The following PTPRT variants were observed in gnomAD, a reference collection of about 807,000 sequenced individuals.
The protein encoded by PTPRT is receptor-type tyrosine-protein phosphatase T.
In PTPRT, 56 loss-of-function variants were observed where a neutral mutation model predicts 176.8. The observed-to-expected ratio is 0.32, with a 90% CI of 0.26 to 0.40. The LOEUF (loss-of-function observed/expected upper bound fraction) is 0.40, where lower values mean the gene tolerates loss of function less well. Among genes scored for constraint, PTPRT ranks in the 10% least tolerant of loss-of-function variants. The pLI is 1.00. For synonymous variants in PTPRT, 783 were observed against 739.0 expected, an observed-to-expected ratio of 1.06 and a Z score of -0.96; for missense variants, 1,540 against 1,908.2, an observed-to-expected ratio of 0.81 and a Z score of 3.60.
At chr20:42,369,771 G>A (rs2058562920) in intron 9 of PTPRT, among the ~76,000 whole-genome samples, 1 of 152,168 alleles carries the variant, frequency 6.6e-6, no homozygotes, top group African/African-American at 2.4e-5. Context: ...AGGAAGAGAA[G>A]CCTGGGTATC....
intron 1 of PTPRT, among the ~76,000 whole-genome samples, chr20:43,157,831 A>T (rs367651013): frequency 3.9e-5 from 6 of 152,268 alleles, no homozygotes; most frequent in Admixed American, 2.0e-4. Flanking sequence ...GTGTTCAAGG[A>T]AAAGCAACTG....
chr20:42,143,698 G>C (rs899957287), intron 17 of PTPRT, among the ~76,000 whole-genome samples: 2 of 152,186 alleles, frequency 1.3e-5, no homozygotes, highest in Non-Finnish European at 2.9e-5. Context: ...GGTTGCCTCG[G>C]AAGCAGACTC....
chr20:42,395,485 C>T (rs766144408), intron 9 of PTPRT, among the ~76,000 whole-genome samples: 1 of 152,028 alleles, frequency 6.6e-6, no homozygotes, highest in Non-Finnish European at 1.5e-5. Context: ...CCCTTTAGTT[C>T]TAATATTTCT....
chr20:42,703,093 G>T (rs1043727426), intron 6 of PTPRT, among the ~76,000 whole-genome samples: 3 of 152,140 alleles, frequency 2.0e-5, no homozygotes, highest in African/African-American at 7.2e-5. Flanking sequence ...ACCCAATTCT[G>T]CCCAACTGCA....
chr20:42,415,657 A>C (rs1259453303), intron 9 of PTPRT, among the ~76,000 whole-genome samples: 2 of 152,248 alleles, frequency 1.3e-5, no homozygotes, highest in East Asian at 3.8e-4. Flanking sequence ...CTTGGCATTT[A>C]GGAAATAGTC....
At chr20:42,099,461 G>A (rs1302401325) in intron 26 of PTPRT, among the ~76,000 whole-genome samples, 1 of 147,500 alleles carries the variant, frequency 6.8e-6, no homozygotes, top group African/African-American at 2.5e-5. Context: ...GCACATGCTA[G>A]ACAGTGCCAC....
intron 7 of PTPRT, among the ~76,000 whole-genome samples, chr20:42,628,909 A>C (rs534066310): frequency 6.6e-6 from 1 of 152,282 alleles, no homozygotes; most frequent in Admixed American, 6.5e-5. Context: ...TTAACTGAAA[A>C]AGTTTGCCAA....
In PTPRT at chr20:42,639,431, C is replaced by T. The variant is rs546303556; in HGVS notation, c.1153+38435G>A. ...CTCCTATGCCCTGGCCATCCACTGC[C>T]TTTGCATGCAGCCTCTGTTCTGGCC... On this transcript the variant is annotated intron_variant, in intron 7 of 30. Transcript: ENST00000373187. 2.0e-5 allele frequency among the ~76,000 whole-genome samples: 3 copies of T among 152,260 alleles called. No individual in the cohort carries two copies. The South Asian group carries it at 6.2e-4, about 32-fold the overall frequency.
At chr20:42,555,961 C>G (rs2072854073) in intron 7 of PTPRT, among the ~76,000 whole-genome samples, 1 of 152,072 alleles carries the variant, frequency 6.6e-6, no homozygotes, top group Admixed American at 6.6e-5. Context: ...CACCATAAAG[C>G]CGATTAATAT....
intron 1 of PTPRT, among the ~76,000 whole-genome samples, chr20:42,894,610 T>TA (rs1281167776): frequency 6.6e-6 from 1 of 152,170 alleles, no homozygotes; most frequent in Admixed American, 6.5e-5. Flanking sequence ...TCTATGTACC[T>TA]ACTCATTATA....
intron 7 of PTPRT, among the ~76,000 whole-genome samples, chr20:42,572,921 T>G (rs951003584): frequency 2.2e-5 from 3 of 137,034 alleles, no homozygotes; most frequent in South Asian, 2.2e-4. Flanking sequence ...GATAAGTTTT[T>G]GTTTTTTTTT....
At chr20:42,991,959 C>T in intron 1 of PTPRT, among the ~76,000 whole-genome samples, 1 of 152,084 alleles carries the variant, frequency 6.6e-6, no homozygotes. Context: ...ATAAACTTTT[C>T]ATTCTATTAA....
At chr20:42,526,180 ACT>A (rs1351643267) in intron 7 of PTPRT, among the ~76,000 whole-genome samples, 3 of 150,974 alleles carry the variant, frequency 2.0e-5, no homozygotes, top group African/African-American at 7.3e-5. Flanking sequence ...TAGGTTTAAG[ACT>A]CTCTTAATTT....
chr20:42,561,994 T>C (rs1601273659), intron 7 of PTPRT, among the ~76,000 whole-genome samples: 1 of 152,202 alleles, frequency 6.6e-6, no homozygotes, highest in East Asian at 1.9e-4. Context: ...GGCTCCAGCG[T>C]TGAAATCAGG....
At chr20:42,850,242 T>C (rs1244319110) in intron 2 of PTPRT, among the ~76,000 whole-genome samples, 2 of 152,196 alleles carry the variant, frequency 1.3e-5, no homozygotes, top group Non-Finnish European at 2.9e-5. Flanking sequence ...ACCTGTATAG[T>C]GTAGGCACAG....
At chr20:43,000,077 G>A (rs1229518021) in intron 1 of PTPRT, among the ~76,000 whole-genome samples, 1 of 137,512 alleles carries the variant, frequency 7.3e-6, no homozygotes, top group South Asian at 2.8e-4. Flanking sequence ...GAGGGAGGGA[G>A]GGAGGGAGGG....
At chr20:42,975,955 T>C (rs776028052) in intron 1 of PTPRT, among the ~76,000 whole-genome samples, 6 of 150,702 alleles carry the variant, frequency 4.0e-5, no homozygotes, top group African/African-American at 1.5e-4. Context: ...ACATCTTAGA[T>C]AGGGTCATGA....
In PTPRT at chr20:42,675,077, G is replaced by A. The variant is rs116282650; in HGVS notation, c.1153+2789C>T. Among the ~76,000 whole-genome samples the A allele has an allele frequency of 2.2e-3, 340 of 152,194 alleles. 1 individual carries two copies. The highest frequency in any genetic ancestry group is 6.8e-3 in the African/African-American group (284 of 41,542). On this transcript the variant is annotated intron_variant, in intron 7 of 30. Coordinates refer to ENST00000373187, the MANE Select transcript of PTPRT (RefSeq NM_007050.6). The stretch of plus-strand genomic sequence containing the variant: ...CACAGTTCCAACCCCTACCTGGCCC[G>A]TCAGCTCACTGCCTGTGTTCTGAGC...
chr20:42,648,820 G>GTTGTTTTTTTTTTTTTTTT lies in PTPRT; in HGVS notation c.1153+29045_1153+29046insAAAAAAAAAAAAAAAACAA, dbSNP rs1310734163. On this transcript the variant is annotated intron_variant, in intron 7 of 30. Coordinates refer to ENST00000373187, the MANE Select transcript of PTPRT (RefSeq NM_007050.6). Reference sequence around the variant, plus strand: ...GGGGATTTTTTTTTTTGGTGTCGTTGTTTTTTTTTTTTTTTTTTGACAGAG... The same window carrying GTTGTTTTTTTTTTTTTTTT: ...GGGGATTTTTTTTTTTGGTGTCGTTGTTGTTTTTTTTTTTTTTTTTTTTTTTTTTTTTTTTTTGACAGAG... Among the ~76,000 whole-genome samples the GTTGTTTTTTTTTTTTTTTT allele has an allele frequency of 1.1e-3, 125 of 111,828 alleles. 6 individuals are homozygous for GTTGTTTTTTTTTTTTTTTT. The highest frequency in any genetic ancestry group is 4.7e-3 in the Middle Eastern group (1 of 214). The allele number at this position is 111,828 out of a possible 152,430, so 73.4% of individuals were successfully genotyped here.
Sources: gnomAD v4.1 joint callset for allele counts (sites outside exome capture counted in the v4.1 genomes callset) on GRCh38, gnomAD v4.1.1 for gene constraint, MANE v1.5 for transcripts, NCBI Gene and HGNC (gene_info 2026-07-23, HGNC 2026-07-21) for gene names.